PDZD2: variants seen among roughly 807,000 people sequenced by gnomAD.
PDZD2 encodes the protein PDZ domain containing 2.
A neutral mutation model predicts 220.7 loss-of-function variants in PDZD2; 90 were observed. The observed-to-expected ratio is 0.41, with a 90% confidence interval of 0.34 to 0.49. The LOEUF is 0.49. Among genes scored for constraint, PDZD2 ranks in the 20% least tolerant of loss-of-function variants. The probability of loss-of-function intolerance (pLI) is 0.28; values close to 1 mark genes in which losing one functional copy is unlikely to be tolerated. For synonymous variants in PDZD2, 1,375 were observed against 1,450.5 expected (o/e 0.95, Z 1.18); for missense variants, 3,174 against 3,608.5 (o/e 0.88, Z 3.08).
chr5:31,828,169 T>C (rs568450146), intron 2 of PDZD2, among the ~76,000 whole-genome samples: 11 of 152,374 alleles, frequency 7.2e-5, no homozygotes, highest in Admixed American at 3.9e-4. Context: ...GTACAAGCTT[T>C]TGTGTGAGTA....
chr5:32,031,053 G>A (rs1346323334), intron 6 of PDZD2, among the ~76,000 whole-genome samples: 1 of 152,156 alleles, frequency 6.6e-6, no homozygotes, highest in Non-Finnish European at 1.5e-5. Context: ...TTCCTCTGCA[G>A]TCTTAAAATC....
chr5:31,654,241 A>G (rs1040269659), intron 1 of PDZD2, among the ~76,000 whole-genome samples: 2 of 152,130 alleles, frequency 1.3e-5, no homozygotes, highest in African/African-American at 4.8e-5. Flanking sequence ...AGCATTTGAC[A>G]CACACACAGG....
chr5:31,733,428 T>C (rs1749654718), intron 1 of PDZD2, among the ~76,000 whole-genome samples: 2 of 152,220 alleles, frequency 1.3e-5, no homozygotes, highest in Admixed American at 1.3e-4. Context: ...TGGAGCTCAT[T>C]CTTTCTCACT....
At chr5:32,076,935 AT>A (rs1741359434) in intron 18 of PDZD2, among the ~76,000 whole-genome samples, 1 of 152,238 alleles carries the variant, frequency 6.6e-6, no homozygotes, top group South Asian at 2.1e-4. Context: ...CAATGGATAA[AT>A]TTCACATGAA....
intron 1 of PDZD2, among the ~76,000 whole-genome samples, chr5:31,768,205 C>A (rs897166240): frequency 1.3e-5 from 2 of 152,154 alleles, no homozygotes; most frequent in Non-Finnish European, 2.9e-5. Context: ...ACAGTTGGCA[C>A]CAGAGTCTCC....
chr5:32,073,019 T>A (rs200566943), intron 17 of PDZD2, among the ~76,000 whole-genome samples: 1 of 79,662 alleles, frequency 1.3e-5, no homozygotes, highest in Non-Finnish European at 2.3e-5. Flanking sequence ...TATCAAAAGG[T>A]TTTTTTTTTA....
chr5:31,922,822 G>T (rs1368523005), intron 2 of PDZD2, among the ~76,000 whole-genome samples: 1 of 152,144 alleles, frequency 6.6e-6, no homozygotes, highest in Non-Finnish European at 1.5e-5. Flanking sequence ...GGGACCGTAG[G>T]CATGCACCTC....
intron 1 of PDZD2, among the ~76,000 whole-genome samples, chr5:31,656,330 G>A (rs965147740): frequency 6.6e-6 from 1 of 152,032 alleles, no homozygotes. Context: ...AGCCTCCCCC[G>A]GAACACCTGG....
chr5:31,996,414 C>T (rs1244805976), intron 4 of PDZD2, among the ~76,000 whole-genome samples: 1 of 151,754 alleles, frequency 6.6e-6, no homozygotes, highest in East Asian at 1.9e-4. Context: ...CTGGTGTTTA[C>T]AAAAAATAAA....
chr5:32,002,603 CCACA>C (rs1224507953), intron 5 of PDZD2, among the ~76,000 whole-genome samples: 6 of 131,716 alleles, frequency 4.6e-5, no homozygotes, highest in Admixed American at 1.5e-4. Context: ...CACACACACA[CCACA>C]CACACACCAA....
intron 1 of PDZD2, among the ~76,000 whole-genome samples, chr5:31,674,253 G>T (rs1464669541): frequency 1.3e-5 from 2 of 152,212 alleles, no homozygotes; most frequent in Non-Finnish European, 2.9e-5. Context: ...CCGGTCAGCA[G>T]TGAAGTTTCA....
chr5:31,808,764 G>A (rs1561476193), intron 2 of PDZD2, among the ~76,000 whole-genome samples: 1 of 152,100 alleles, frequency 6.6e-6, no homozygotes, highest in Non-Finnish European at 1.5e-5. Context: ...ATCACTTGAG[G>A]TCAGGAGTTT....
intron 4 of PDZD2, among the ~76,000 whole-genome samples, chr5:31,998,966 T>C (rs1751873406): frequency 6.6e-6 from 1 of 152,232 alleles, no homozygotes; most frequent in Non-Finnish European, 1.5e-5. Context: ...CACTGGAGGC[T>C]CTGGTGGAAT....
intron 2 of PDZD2, among the ~76,000 whole-genome samples, chr5:31,816,426 G>A (rs1002253545): frequency 6.6e-6 from 1 of 152,082 alleles, no homozygotes; most frequent in Non-Finnish European, 1.5e-5. Context: ...GGACAAACAT[G>A]TCTCTCCAAG....
intron 1 of PDZD2, among the ~76,000 whole-genome samples, chr5:31,689,353 A>ATATATATATATATATATATATATTTTT: frequency 5.7e-5 from 2 of 35,142 alleles, no homozygotes; most frequent in African/African-American, 4.2e-4. Context: ...ATATATATAT[A>ATATATATATATATATATATATATTTTT]TTTTTTTTTT....
chr5:31,930,322 C>G (rs985854098), intron 2 of PDZD2, among the ~76,000 whole-genome samples: 1 of 151,320 alleles, frequency 6.6e-6, no homozygotes, highest in African/African-American at 2.4e-5. Context: ...TCTCCTGCCT[C>G]AGTCTCCCAA....
intron 2 of PDZD2, chr5:31,823,140 C>A: frequency 3.7e-6 from 1 of 269,386 alleles, no homozygotes; most frequent in Non-Finnish European, 6.8e-6. Context: ...TCTTCATTCT[C>A]GCAGTAGACG....
intron 2 of PDZD2, among the ~76,000 whole-genome samples, chr5:31,935,366 T>G (rs972692936): frequency 6.6e-6 from 1 of 152,316 alleles, no homozygotes; most frequent in East Asian, 1.9e-4. Context: ...ATATGTGTGT[T>G]GGTTTAGGGA....
chr5:31,689,567 C>T (rs1394780234), intron 1 of PDZD2, among the ~76,000 whole-genome samples: 1 of 151,462 alleles, frequency 6.6e-6, no homozygotes, highest in Non-Finnish European at 1.5e-5. Flanking sequence ...TGTGATATGT[C>T]TAATAAGTTA....
Sources: gnomAD v4.1 joint callset for allele counts (sites outside exome capture counted in the v4.1 genomes callset) on GRCh38, gnomAD v4.1.1 for gene constraint, MANE v1.5 for transcripts, NCBI Gene and HGNC (gene_info 2026-07-23, HGNC 2026-07-21) for gene names.